CAST: variants seen among roughly 807,000 people sequenced by gnomAD.
CAST encodes calpastatin.
CAST carries 76 observed loss-of-function variants against 119.6 expected under a neutral mutation model. The ratio of observed to expected loss-of-function variants is 0.64; its 90% CI spans 0.53 to 0.77. The LOEUF (loss-of-function observed/expected upper bound fraction) is 0.77. CAST is among the 30% of genes least tolerant of loss of function. CAST has a pLI of 0.00. For missense variants in CAST, 953 were observed against 946.5 expected, an observed-to-expected ratio of 1.01 and a Z score of -0.09; for synonymous variants, 319 against 331.6, an observed-to-expected ratio of 0.96 and a Z score of 0.41.
At chr5:96,626,912 T>C (rs1052901031) in intron 1 of CAST, among the ~76,000 whole-genome samples, 1 of 152,212 alleles carries the variant, frequency 6.6e-6, no homozygotes, top group Non-Finnish European at 1.5e-5. Context: ...ATAAGCTCTA[T>C]CCTTTATCTT....
At chr5:96,640,097 T>C (rs1032781689) in intron 1 of CAST, among the ~76,000 whole-genome samples, 1 of 152,180 alleles carries the variant, frequency 6.6e-6, no homozygotes, top group Non-Finnish European at 1.5e-5. Flanking sequence ...GTGACATGCA[T>C]GTATCTGAAT....
the CAST span, among the ~76,000 whole-genome samples, chr5:96,156,789 A>G: frequency 3.0e-4 from 45 of 152,308 alleles, no homozygotes; most frequent in African/African-American, 9.9e-4. Context: ...TGAATTGACT[A>G]AAGTTTCTCG....
the CAST span, among the ~76,000 whole-genome samples, chr5:96,093,049 A>T: frequency 3.0e-4 from 46 of 152,324 alleles, no homozygotes; most frequent in South Asian, 9.5e-3. Context: ...TTCTTAATTT[A>T]AAAAATTTAA....
At chr5:96,004,059 T>G in the CAST span, among the ~76,000 whole-genome samples, 1 of 152,200 alleles carries the variant, frequency 6.6e-6, no homozygotes, top group African/African-American at 2.4e-5. Context: ...TTAGAATTCT[T>G]TGCATATCGA....
chr5:96,771,845 A>G (rs1772494170), intron 31 of CAST, 143 bp downstream of exon 31: 1 of 501,052 alleles, frequency 2.0e-6, no homozygotes, highest in Non-Finnish European at 3.6e-6. Context: ...TGCAAGATCT[A>G]CAGAGTAATT....
chr5:96,338,291 C>T, the CAST span, among the ~76,000 whole-genome samples: 1 of 152,190 alleles, frequency 6.6e-6, no homozygotes, highest in Non-Finnish European at 1.5e-5. Context: ...AAAAACTCTG[C>T]ATCGTTTTTT....
At chr5:96,648,717 C>CGTGTGTGTGT (rs72068689) in intron 1 of CAST, among the ~76,000 whole-genome samples, 4,179 of 148,876 alleles carry the variant, frequency 0.028, 119 homozygotes, top group African/African-American at 0.072. Context: ...TATATATATG[C>CGTGTGTGTGT]GTGTGTGTGT....
the CAST span, among the ~76,000 whole-genome samples, chr5:96,069,889 C>T: frequency 6.6e-6 from 1 of 151,970 alleles, no homozygotes; most frequent in Non-Finnish European, 1.5e-5. Context: ...TGATGGTTCA[C>T]ACCTGTAATC....
At chr5:96,667,034 T>C (rs1019993676) in intron 1 of CAST, among the ~76,000 whole-genome samples, 2 of 152,052 alleles carry the variant, frequency 1.3e-5, no homozygotes, top group Non-Finnish European at 2.9e-5. Flanking sequence ...CAGAAAGCTT[T>C]ACAGCCACCA....
chr5:96,201,730 G>A, the CAST span, among the ~76,000 whole-genome samples: 1 of 152,008 alleles, frequency 6.6e-6, no homozygotes, highest in East Asian at 1.9e-4. Flanking sequence ...TGACTGCTCG[G>A]TGTTCAGCCT....
intron 3 of CAST, among the ~76,000 whole-genome samples, chr5:96,704,245 T>C (rs889856451): frequency 6.6e-6 from 1 of 152,238 alleles, no homozygotes; most frequent in Non-Finnish European, 1.5e-5. Context: ...TGTGGTTCAG[T>C]TCAGATGCTT....
chr5:96,604,873 G>C (rs968563377), intron 1 of CAST, among the ~76,000 whole-genome samples: 1 of 152,214 alleles, frequency 6.6e-6, no homozygotes, highest in Admixed American at 6.5e-5. Flanking sequence ...GTAGGCAAAA[G>C]GCAGAGAAGA....
chr5:96,573,131 C>A (rs1006955064), intron 1 of CAST, among the ~76,000 whole-genome samples: 2 of 152,080 alleles, frequency 1.3e-5, no homozygotes, highest in African/African-American at 4.8e-5. Flanking sequence ...TAGTTGTTTA[C>A]CTTTTATGGT....
At chr5:96,610,401 A>G (rs763562472) in intron 1 of CAST, among the ~76,000 whole-genome samples, 3 of 152,266 alleles carry the variant, frequency 2.0e-5, no homozygotes, top group Admixed American at 6.5e-5. Context: ...CCACACAAAC[A>G]GAATTAAAAA....
intron 3 of CAST, among the ~76,000 whole-genome samples, chr5:96,714,003 C>T (rs1309733252): frequency 6.6e-6 from 1 of 152,014 alleles, no homozygotes. Context: ...GTGGTCAGCA[C>T]AGAATTACTC....
At chr5:96,131,561 C>A in the CAST span, among the ~76,000 whole-genome samples, 1 of 152,174 alleles carries the variant, frequency 6.6e-6, no homozygotes, top group Non-Finnish European at 1.5e-5. Flanking sequence ...TACATGATTG[C>A]TGCCTAGCAG....
At chr5:96,021,728 G>A in the CAST span, among the ~76,000 whole-genome samples, 22 of 152,260 alleles carry the variant, frequency 1.4e-4, no homozygotes, top group Non-Finnish European at 2.1e-4. Flanking sequence ...TTACAGGTGT[G>A]AGCCACTGCG....
intron 19 of CAST, 48 bp downstream of exon 19, chr5:96,748,661 A>T: frequency 2.3e-6 from 2 of 854,986 alleles, no homozygotes; most frequent in Non-Finnish European, 3.8e-6. Flanking sequence ...TTGTGATCTT[A>T]AAAAAAAATT....
At chr5:96,237,500 C>T in the CAST span, among the ~76,000 whole-genome samples, 1 of 152,022 alleles carries the variant, frequency 6.6e-6, no homozygotes, top group South Asian at 2.1e-4. Context: ...GATTATTAAT[C>T]GTTTGAAAAT....
Sources: gnomAD v4.1 joint callset for allele counts (sites outside exome capture counted in the v4.1 genomes callset) on GRCh38, gnomAD v4.1.1 for gene constraint, MANE v1.5 for transcripts, NCBI Gene and HGNC (gene_info 2026-07-23, HGNC 2026-07-21) for gene names.